Variants in BICC1 observed in about 807,000 individuals in gnomAD.
The protein encoded by BICC1 is BicC family RNA binding protein 1, also known as protein bicaudal C homolog 1.
A neutral mutation model predicts 111.0 loss-of-function variants in BICC1; 43 were observed. That is an observed-to-expected ratio of 0.39 (90% CI 0.30 to 0.50). The LOEUF is 0.50. Ranked by LOEUF, BICC1 falls within the 20% of genes least tolerant of loss-of-function variation. The pLI is 0.88. For synonymous variants in BICC1, 467 were observed against 434.4 expected, an observed-to-expected ratio of 1.07 and a Z score of -0.93; for missense variants, 1,091 against 1,203.2, an observed-to-expected ratio of 0.91 and a Z score of 1.38.
At position 58,513,053 on chromosome 10, in the gene BICC1, C is replaced by A; in HGVS notation, c.-91C>A. 1 of 1,045,070 alleles carries A rather than the reference C, an allele frequency of 9.6e-7. No homozygotes were observed. The highest frequency in any genetic ancestry group is 1.2e-6 in the Non-Finnish European group (1 of 819,510). The allele number at this position is 1,045,070 out of a possible 1,614,324, so 64.7% of individuals were successfully genotyped here. Reference sequence around the variant, plus strand: ...AGGGGGACGAGCTAGCGCCGCGGCGCTGGGAGCCAGTTGAGCCCGGCCGGC... The same window carrying A: ...AGGGGGACGAGCTAGCGCCGCGGCGATGGGAGCCAGTTGAGCCCGGCCGGC... On this transcript the variant is annotated 5_prime_UTR_variant, in exon 1 of 21. The change creates a new upstream start codon in the 5' untranslated region. Coordinates refer to ENST00000373886, the MANE Select transcript of BICC1 (RefSeq NM_001080512.3).
At chr10:58,640,428 T>C (rs1838088948) in intron 2 of BICC1, among the ~76,000 whole-genome samples, 2 of 152,224 alleles carry the variant, frequency 1.3e-5, no homozygotes. Flanking sequence ...GTGGCTTTTT[T>C]ACATGCAAAG....
intron 3 of BICC1, among the ~76,000 whole-genome samples, chr10:58,753,377 A>G (rs1842045070): frequency 6.6e-6 from 1 of 152,160 alleles, no homozygotes; most frequent in South Asian, 2.1e-4. Flanking sequence ...TATGTTGTCC[A>G]GGCTTGTCTC....
chr10:58,557,643 A>G (rs1384182647), intron 1 of BICC1, among the ~76,000 whole-genome samples: 2 of 152,102 alleles, frequency 1.3e-5, no homozygotes, highest in Admixed American at 1.3e-4. Flanking sequence ...CTAATGTGCT[A>G]TTAATACTTT....
chr10:58,794,932 T>C (rs547083896), intron 9 of BICC1, among the ~76,000 whole-genome samples: 1 of 152,270 alleles, frequency 6.6e-6, no homozygotes, highest in East Asian at 1.9e-4. Flanking sequence ...GAGAATGGTG[T>C]TGAGTAAAAA....
intron 1 of BICC1, among the ~76,000 whole-genome samples, chr10:58,558,692 C>T (rs12775129): frequency 0.087 from 13,169 of 152,050 alleles, 687 homozygotes; most frequent in Non-Finnish European, 0.12. Context: ...GCTGCTGTAA[C>T]AAAAATTCCC....
intron 1 of BICC1, among the ~76,000 whole-genome samples, chr10:58,520,774 G>A (rs902623437): frequency 6.6e-6 from 1 of 152,042 alleles, no homozygotes; most frequent in Admixed American, 6.6e-5. Context: ...ATAAACATAA[G>A]TAAAAAAGAA....
chr10:58,722,281 A>C (rs1840962701), intron 3 of BICC1, among the ~76,000 whole-genome samples: 1 of 152,232 alleles, frequency 6.6e-6, no homozygotes, highest in African/African-American at 2.4e-5. Flanking sequence ...TTCTCTTAGG[A>C]AATGAAGCCC....
rs1411880159 is a variant in BICC1, at chr10:58,647,744, A to G, written c.237+26843A>G. On this transcript the variant is annotated intron_variant, in intron 2 of 20. Coordinates refer to ENST00000373886, the MANE Select transcript of BICC1 (RefSeq NM_001080512.3). ...AGAGCTACCCTGCACCATTGCAAGAATGTGTGCTTAAGGGATTTGAAGAGG... is the reference window on the plus strand; with the variant it reads ...AGAGCTACCCTGCACCATTGCAAGAGTGTGTGCTTAAGGGATTTGAAGAGG... 2.6e-5 allele frequency among the ~76,000 whole-genome samples: 4 copies of G among 152,056 alleles called. No individual in the cohort carries two copies. In the South Asian group the frequency reaches 8.3e-4, roughly 31 times the overall value.
At chr10:58,578,277 T>G (rs897302161) in intron 1 of BICC1, among the ~76,000 whole-genome samples, 3 of 152,208 alleles carry the variant, frequency 2.0e-5, no homozygotes, top group Admixed American at 6.5e-5. Context: ...TGAGAGTATT[T>G]CCGAGTTGTT....
intron 1 of BICC1, among the ~76,000 whole-genome samples, chr10:58,524,885 T>C (rs1410307427): frequency 6.6e-6 from 1 of 151,990 alleles, no homozygotes; most frequent in Non-Finnish European, 1.5e-5. Context: ...AACAACCCCA[T>C]CAACAAGTGG....
chr10:58,584,081 C>T (rs1406843965), intron 1 of BICC1, among the ~76,000 whole-genome samples: 5 of 151,838 alleles, frequency 3.3e-5, no homozygotes, highest in African/African-American at 9.7e-5. Context: ...CACACACACA[C>T]ACACACACAC....
At chr10:58,513,449 C>A in intron 1 of BICC1, 116 bp downstream of exon 1, 1 of 1,018,682 alleles carries the variant, frequency 9.8e-7, no homozygotes, top group Non-Finnish European at 1.4e-6. Flanking sequence ...GGTTTAGCTC[C>A]AGGCCCGCTC....
At chr10:58,688,504 C>T (rs918084525) in intron 2 of BICC1, among the ~76,000 whole-genome samples, 2 of 152,132 alleles carry the variant, frequency 1.3e-5, no homozygotes, top group Non-Finnish European at 2.9e-5. Flanking sequence ...GCCGGCTTCA[C>T]CTCTCACCGG....
intron 1 of BICC1, among the ~76,000 whole-genome samples, chr10:58,537,347 CAAAA>C (rs1554803300): frequency 0.042 from 4,698 of 111,840 alleles, 235 homozygotes; most frequent in African/African-American, 0.12. Context: ...TGAACTAGAA[CAAAA>C]AAAAAAATCA....
intron 19 of BICC1, among the ~76,000 whole-genome samples, chr10:58,819,618 G>A (rs1213652339): frequency 6.6e-6 from 1 of 152,100 alleles, no homozygotes; most frequent in Non-Finnish European, 1.5e-5. Context: ...GGTAAGCCCA[G>A]TACTTTATAT....
At chr10:58,651,395 C>G (rs1564532202) in intron 2 of BICC1, among the ~76,000 whole-genome samples, 1 of 152,172 alleles carries the variant, frequency 6.6e-6, no homozygotes, top group South Asian at 2.1e-4. Context: ...ATCTTCATAC[C>G]AGCAGCATCT....
chr10:58,694,895 A>G (rs1467061070), intron 2 of BICC1, among the ~76,000 whole-genome samples: 3 of 152,266 alleles, frequency 2.0e-5, no homozygotes, highest in South Asian at 4.1e-4. Flanking sequence ...CCTCCCCTTA[A>G]GTATGTGGTG....
chr10:58,814,211 C>T (rs2132942709), intron 18 of BICC1: 1 of 628,856 alleles, frequency 1.6e-6, no homozygotes, highest in Non-Finnish European at 2.9e-6. Flanking sequence ...ACTTGCCATA[C>T]CAAAGGGCAA....
At chr10:58,681,053 C>G (rs1212096108) in intron 2 of BICC1, among the ~76,000 whole-genome samples, 1 of 152,146 alleles carries the variant, frequency 6.6e-6, no homozygotes, top group Non-Finnish European at 1.5e-5. Flanking sequence ...AATGTAAGAC[C>G]TAAAGCCATA....
Sources: gnomAD v4.1 joint callset for allele counts (sites outside exome capture counted in the v4.1 genomes callset) on GRCh38, gnomAD v4.1.1 for gene constraint, MANE v1.5 for transcripts, NCBI Gene and HGNC (gene_info 2026-07-23, HGNC 2026-07-21) for gene names.